The following TMEM132C variants were observed in gnomAD, a reference collection of about 807,000 sequenced individuals.
The protein encoded by TMEM132C is protein phosphatase 1, regulatory subunit 152.
TMEM132C carries 29 observed loss-of-function variants against 61.4 expected under a neutral mutation model. The ratio of observed to expected loss-of-function variants is 0.47; its 90% confidence interval spans 0.35 to 0.64. The LOEUF is 0.64. Among genes scored for constraint, TMEM132C ranks in the 30% least tolerant of loss-of-function variants. TMEM132C has a pLI of 0.00. For synonymous variants in TMEM132C, 656 were observed against 633.1 expected, an observed-to-expected ratio of 1.04 and a Z score of -0.54; for missense variants, 1,408 against 1,476.9, an observed-to-expected ratio of 0.95 and a Z score of 0.76.
intron 2 of TMEM132C, among the ~76,000 whole-genome samples, chr12:128,497,018 T>C (rs1369292656): frequency 6.6e-6 from 1 of 152,248 alleles, no homozygotes; most frequent in African/African-American, 2.4e-5. Flanking sequence ...TTGGCGTGGA[T>C]GTCCTTTCTG....
chr12:128,311,032 A>C (rs555222127), intron 1 of TMEM132C, among the ~76,000 whole-genome samples: 67 of 152,260 alleles, frequency 4.4e-4, no homozygotes, highest in Non-Finnish European at 9.1e-4. Flanking sequence ...ATAAAAAATA[A>C]ATGAAAAAAT....
intron 1 of TMEM132C, chr12:128,400,082 A>G (rs1165416990): frequency 1.3e-5 from 2 of 152,258 alleles, no homozygotes; most frequent in Non-Finnish European, 2.9e-5. Context: ...TGGATCAAGA[A>G]AGGTGTGTCC....
In TMEM132C at chr12:128,480,642, G is replaced by A. The variant is rs549013771; in HGVS notation, c.975-63315G>A. The stretch of plus-strand genomic sequence containing the variant: ...GCTGTCCTCTGTGAGGACCGCGTCA[G>A]AGCTGAATTTTGGGAATTCCCGAGC... On this transcript the variant is annotated intron_variant, in intron 2 of 8. Transcript: ENST00000435159. Among the ~76,000 whole-genome samples the A allele has an allele frequency of 4.6e-5, 7 of 152,012 alleles. No homozygotes were observed. In the East Asian group the frequency reaches 1.4e-3, roughly 29 times the overall value.
intron 2 of TMEM132C, among the ~76,000 whole-genome samples, chr12:128,470,004 A>G (rs958187365): frequency 6.6e-6 from 1 of 152,164 alleles, no homozygotes; most frequent in African/African-American, 2.4e-5. Flanking sequence ...TTACAAACTG[A>G]TGCTTCTCTG....
chr12:128,518,880 A>ATAATCCTT (rs779440497), intron 2 of TMEM132C, among the ~76,000 whole-genome samples: 2 of 152,190 alleles, frequency 1.3e-5, no homozygotes, highest in Non-Finnish European at 2.9e-5. Context: ...GGCAATTTAC[A>ATAATCCTT]TAATCCTTTG....
intron 1 of TMEM132C, among the ~76,000 whole-genome samples, chr12:128,406,346 G>T (rs571673504): frequency 1.3e-5 from 2 of 152,306 alleles, no homozygotes; most frequent in South Asian, 2.1e-4. Flanking sequence ...GAGTCACATG[G>T]TATTCAAGAC....
chr12:128,470,014 G>C (rs1355068618), intron 2 of TMEM132C, among the ~76,000 whole-genome samples: 1 of 152,106 alleles, frequency 6.6e-6, no homozygotes, highest in East Asian at 1.9e-4. Context: ...ATGCTTCTCT[G>C]TTCTCCTTCA....
chr12:128,706,064 G>A lies in TMEM132C; in HGVS notation c.3096G>A (p.Gly1032=). 1 of 1,551,674 alleles carries A rather than the reference G, an allele frequency of 6.4e-7. No homozygotes were observed. The change falls in exon 9 of 9, where the codon GGG becomes GGA. Residue 1032 remains glycine, a synonymous_variant. Transcript: ENST00000435159. ...QSQIHRSADS[G]GRQGREQKQD... ...AGATTCACAGGTCAGCCGACTCCGG[G>A]GGGCGGCAGGGCAGAGAACAGAAGC...
At chr12:128,697,089 G>A (rs1954771608) in intron 7 of TMEM132C, 135 bp from the exon 8 acceptor site, 1 of 681,500 alleles carries the variant, frequency 1.5e-6, no homozygotes, top group Non-Finnish European at 2.3e-6. Context: ...CATATAGAGT[G>A]AAGTAGATAT....
intron 1 of TMEM132C, among the ~76,000 whole-genome samples, chr12:128,299,760 G>A (rs927746718): frequency 6.6e-6 from 1 of 152,210 alleles, no homozygotes. Context: ...CTCTAAAGCT[G>A]CATGCAGCCC....
intron 3 of TMEM132C, among the ~76,000 whole-genome samples, chr12:128,581,945 C>T (rs1042587882): frequency 1.3e-5 from 2 of 152,162 alleles, no homozygotes; most frequent in Admixed American, 1.3e-4. Flanking sequence ...GGCTTCAGCT[C>T]CGCGAATCCT....
At chr12:128,612,212 C>T (rs1226519249) in intron 3 of TMEM132C, among the ~76,000 whole-genome samples, 1 of 152,140 alleles carries the variant, frequency 6.6e-6, no homozygotes, top group Non-Finnish European at 1.5e-5. Flanking sequence ...TTCCCAGGGT[C>T]CAGGTGGACA....
intron 3 of TMEM132C, among the ~76,000 whole-genome samples, chr12:128,572,176 G>A (rs1294827988): frequency 1.3e-5 from 2 of 151,934 alleles, no homozygotes; most frequent in African/African-American, 2.4e-5. Flanking sequence ...GATTAGCCAG[G>A]CCTAGGTCAC....
At chr12:128,295,536 A>G (rs1260590718) in intron 1 of TMEM132C, among the ~76,000 whole-genome samples, 1 of 141,960 alleles carries the variant, frequency 7.0e-6, no homozygotes, top group Non-Finnish European at 1.6e-5. Flanking sequence ...CCTGTCTGTA[A>G]CAGCCTGCTA....
At chr12:128,300,008 A>G (rs1247924111) in intron 1 of TMEM132C, among the ~76,000 whole-genome samples, 2 of 152,228 alleles carry the variant, frequency 1.3e-5, no homozygotes, top group South Asian at 2.1e-4. Context: ...CCAGTGTTCA[A>G]TACTAGACTA....
intron 2 of TMEM132C, among the ~76,000 whole-genome samples, chr12:128,530,145 T>G (rs1873235516): frequency 2.0e-5 from 3 of 150,562 alleles, no homozygotes; most frequent in Admixed American, 6.6e-5. Context: ...GCAGATGGAG[T>G]CTCCGCAGGC....
intron 4 of TMEM132C, among the ~76,000 whole-genome samples, chr12:128,643,676 A>T (rs1954174898): frequency 6.6e-6 from 1 of 152,144 alleles, no homozygotes; most frequent in South Asian, 2.1e-4. Context: ...ATGTGTTTTG[A>T]TCATTTAAAT....
At chr12:128,515,373 A>T (rs993821314) in intron 2 of TMEM132C, among the ~76,000 whole-genome samples, 1 of 152,184 alleles carries the variant, frequency 6.6e-6, no homozygotes, top group Non-Finnish European at 1.5e-5. Context: ...ACTCTAGCCG[A>T]GGTGCAAAAG....
intron 2 of TMEM132C, among the ~76,000 whole-genome samples, chr12:128,475,108 G>A (rs1871112911): frequency 2.0e-5 from 3 of 152,124 alleles, no homozygotes. Context: ...GCACAGCAGG[G>A]CTTCAACTCC....
Sources: allele counts gnomAD v4.1 joint callset (sites outside exome capture counted in the v4.1 genomes callset), GRCh38; gene constraint gnomAD v4.1.1; transcripts MANE v1.5; gene names NCBI Gene and HGNC (gene_info 2026-07-23, HGNC 2026-07-21).